ATXN7L1: variants seen among roughly 807,000 people sequenced by gnomAD.
The protein encoded by ATXN7L1 is ataxin-7-like protein 1.
A neutral mutation model predicts 70.8 loss-of-function variants in ATXN7L1; 15 were observed. The observed-to-expected ratio is 0.21, with a 90% CI of 0.14 to 0.33. ATXN7L1 has a LOEUF of 0.33. Ranked by LOEUF, ATXN7L1 falls within the 10% of genes least tolerant of loss-of-function variation. ATXN7L1 has a pLI of 1.00. For missense variants in ATXN7L1, 975 were observed against 1,097.1 expected (o/e 0.89, Z 1.57); for synonymous variants, 440 against 445.1 (o/e 0.99, Z 0.14).
At chr7:105,856,130 C>T (rs1815682816) in intron 2 of ATXN7L1, among the ~76,000 whole-genome samples, 1 of 152,214 alleles carries the variant, frequency 6.6e-6, no homozygotes, top group Admixed American at 6.5e-5. Flanking sequence ...TGTTCTTTCC[C>T]TTTCAACTTA....
chr7:105,745,527 T>C (rs1386443539), intron 3 of ATXN7L1, among the ~76,000 whole-genome samples: 1 of 152,268 alleles, frequency 6.6e-6, no homozygotes, highest in Non-Finnish European at 1.5e-5. Flanking sequence ...TTGAAACTTC[T>C]GGGTGCTGCA....
At chr7:105,772,022 A>C (rs1802076857) in intron 3 of ATXN7L1, among the ~76,000 whole-genome samples, 1 of 151,584 alleles carries the variant, frequency 6.6e-6, no homozygotes, top group Admixed American at 6.6e-5. Context: ...ATAATTGTAA[A>C]TGGATAAAAC....
At position 105,607,490 on chromosome 7, in the gene ATXN7L1, C is replaced by G. The variant is rs1054192764; in HGVS notation, c.*362G>C. On this transcript the variant is annotated 3_prime_UTR_variant, in exon 12 of 12. Coordinates refer to ENST00000419735, the MANE Select transcript of ATXN7L1 (RefSeq NM_020725.2). ...TTCAAGAGCTTCAGAGCATGCCAAC[C>G]TGGAACCAACATTCTGCAATGTCTG... The G allele has an allele frequency of 7.8e-6, 2 of 257,270 alleles. No individual in the cohort carries two copies. The highest frequency in any genetic ancestry group is 4.4e-5 in the African/African-American group (2 of 45,456). The allele number at this position is 257,270 out of a possible 1,614,324, so 15.9% of individuals were successfully genotyped here.
rs917362057 is a variant in ATXN7L1 at position 105,623,173 on chromosome 7, C to T, written c.1395+902G>A. Among the ~76,000 whole-genome samples, 8 of 152,244 alleles carry T rather than the reference C, an allele frequency of 5.3e-5. No homozygotes were observed. The South Asian group carries it at 8.3e-4, about 16-fold the overall frequency. On this transcript the variant is annotated intron_variant, in intron 8 of 11. Transcript: ENST00000419735. The stretch of plus-strand genomic sequence containing the variant: ...CAGGAAAGGAAGTGAACTTGGCCTT[C>T]GTTCATGACATGGATAGGAGGGAAG...
intron 3 of ATXN7L1, among the ~76,000 whole-genome samples, chr7:105,683,670 G>T (rs548748511): frequency 6.6e-6 from 1 of 151,874 alleles, no homozygotes; most frequent in Non-Finnish European, 1.5e-5. Flanking sequence ...GCGAGATTCC[G>T]TCTCAAAACA....
At chr7:105,761,422 T>G (rs1800528792) in intron 3 of ATXN7L1, 1 of 1,614,066 alleles carries the variant, frequency 6.2e-7, no homozygotes, top group African/African-American at 1.3e-5. Context: ...TCTGGTCCAC[T>G]CCTGGAGATG....
In ATXN7L1 at chr7:105,823,336, T is replaced by C. The variant is rs182410706; in HGVS notation, c.251-34628A>G. 1.6e-4 allele frequency among the ~76,000 whole-genome samples: 25 copies of C among 152,298 alleles called. No homozygotes were observed. In the East Asian group the frequency reaches 4.6e-3, roughly 28 times the overall value. ...ACAGCAGAGGCAACCCCATTTCCAGTATCATTTGTGATCACTTACAAACAG... is the reference window on the plus strand; with the variant it reads ...ACAGCAGAGGCAACCCCATTTCCAGCATCATTTGTGATCACTTACAAACAG... On this transcript the variant is annotated intron_variant, in intron 2 of 11. Coordinates refer to ENST00000419735, the MANE Select transcript of ATXN7L1 (RefSeq NM_020725.2).
At chr7:105,736,700 T>C (rs1797417909) in intron 3 of ATXN7L1, among the ~76,000 whole-genome samples, 1 of 152,178 alleles carries the variant, frequency 6.6e-6, no homozygotes, top group Admixed American at 6.5e-5. Flanking sequence ...AAGCAATTGT[T>C]CCAGAGAGCT....
intron 2 of ATXN7L1, among the ~76,000 whole-genome samples, chr7:105,869,093 T>C (rs1817880591): frequency 6.6e-6 from 1 of 152,244 alleles, no homozygotes; most frequent in Non-Finnish European, 1.5e-5. Context: ...ATCAGTGGGC[T>C]GCACCTGTAG....
rs901028259 is a variant in ATXN7L1, at chr7:105,835,261, C to T, written c.250+40551G>A. Among the ~76,000 whole-genome samples, 3 of 144,638 alleles carry T rather than the reference C, an allele frequency of 2.1e-5. No individual in the cohort carries two copies. The East Asian group carries it at 6.5e-4, about 31-fold the overall frequency. The allele number at this position is 144,638 out of a possible 152,430, so 94.9% of individuals were successfully genotyped here. A position where few individuals can be genotyped will look rare whatever the true frequency, so the allele number is the denominator to read the frequency against. ...CCTCTGCATCCCGGGCTCAGGTGAT[C>T]CTCCCACCTCAGCCTCCTGAGAAGC... On this transcript the variant is annotated intron_variant, in intron 2 of 11. Transcript: ENST00000419735.
chr7:105,627,805 T>C, intron 7 of ATXN7L1, among the ~76,000 whole-genome samples: 1 of 148,058 alleles, frequency 6.8e-6, no homozygotes, highest in Non-Finnish European at 1.5e-5. Context: ...GTGGTGGGAT[T>C]ACAGGCATGA....
intron 4 of ATXN7L1, among the ~76,000 whole-genome samples, chr7:105,661,743 C>G (rs112126597): frequency 1.3e-5 from 2 of 152,136 alleles, no homozygotes; most frequent in Non-Finnish European, 2.9e-5. Flanking sequence ...TGTTCCTGGA[C>G]GTGTTGGGTA....
chr7:105,856,419 C>A (rs10262053), intron 2 of ATXN7L1, among the ~76,000 whole-genome samples: 1 of 151,968 alleles, frequency 6.6e-6, no homozygotes, highest in African/African-American at 2.4e-5. Context: ...AACCCTGTTT[C>A]TATTAAAAAT....
At chr7:105,831,779 G>T (rs1811657462) in intron 2 of ATXN7L1, among the ~76,000 whole-genome samples, 1 of 152,152 alleles carries the variant, frequency 6.6e-6, no homozygotes, top group African/African-American at 2.4e-5. Flanking sequence ...GGGGGGCATT[G>T]ACATGGGCTG....
chr7:105,816,933 A>G (rs1053823761), intron 2 of ATXN7L1, among the ~76,000 whole-genome samples: 1 of 152,214 alleles, frequency 6.6e-6, no homozygotes, highest in African/African-American at 2.4e-5. Flanking sequence ...TTCATGGTGA[A>G]AGTCAGTCAA....
intron 2 of ATXN7L1, among the ~76,000 whole-genome samples, chr7:105,862,938 C>T (rs753541219): frequency 3.9e-5 from 6 of 152,184 alleles, no homozygotes; most frequent in Non-Finnish European, 8.8e-5. Context: ...ACAGTGACAA[C>T]TAGGGCATCT....
chr7:105,796,277 A>G (rs1484966963), intron 2 of ATXN7L1, among the ~76,000 whole-genome samples: 1 of 152,184 alleles, frequency 6.6e-6, no homozygotes, highest in Non-Finnish European at 1.5e-5. Flanking sequence ...GCAGGAGAAT[A>G]GCTTGAACCG....
chr7:105,716,750 T>C (rs943728848), intron 3 of ATXN7L1, among the ~76,000 whole-genome samples: 1 of 148,212 alleles, frequency 6.7e-6, no homozygotes, highest in Non-Finnish European at 1.5e-5. Context: ...TATGGTGGCA[T>C]GCACCTGTAG....
chr7:105,785,903 T>C (rs2116474621), intron 3 of ATXN7L1, among the ~76,000 whole-genome samples: 1 of 152,306 alleles, frequency 6.6e-6, no homozygotes, highest in African/African-American at 2.4e-5. Flanking sequence ...CTGTGAGAAA[T>C]ACATTTCTGC....
Sources: allele counts gnomAD v4.1 joint callset (sites outside exome capture counted in the v4.1 genomes callset), GRCh38; gene constraint gnomAD v4.1.1; transcripts MANE v1.5; gene names NCBI Gene and HGNC (gene_info 2026-07-23, HGNC 2026-07-21).